SKIC8: variants seen among roughly 807,000 people sequenced by gnomAD.
SKIC8 encodes the protein SKI8 subunit of superkiller complex.
the SKIC8 span, chr15:78,293,158 G>A: frequency 6.2e-7 from 1 of 1,611,858 alleles, no homozygotes; most frequent in Non-Finnish European, 8.5e-7. Context: ...TTAGGGGAGA[G>A]GCACTCACCA....
At chr15:78,285,433 C>T in the SKIC8 span, 1 of 1,084,916 alleles carries the variant, frequency 9.2e-7, no homozygotes, top group South Asian at 1.3e-5. Context: ...ACTTCAGACC[C>T]CCCAACCCCA....
chr15:78,288,428 C>T, the SKIC8 span: 1 of 1,574,282 alleles, frequency 6.4e-7, no homozygotes, highest in African/African-American at 1.4e-5. Context: ...CCACTGCCTC[C>T]TCACTCAGCT....
At chr15:78,289,986 C>G in the SKIC8 span, 1 of 1,614,088 alleles carries the variant, frequency 6.2e-7, no homozygotes, top group Middle Eastern at 1.6e-4. Context: ...CCTCTCGTGT[C>G]CAAAGAATAT....
At chr15:78,295,401 C>CTTTTTT in the SKIC8 span, 21 of 395,148 alleles carry the variant, frequency 5.3e-5, no homozygotes, top group Non-Finnish European at 7.7e-5. Context: ...CTATTCTGAT[C>CTTTTTT]TTTTTTTTTT....
At chr15:78,284,879 G>T in the SKIC8 span, 6 of 192,228 alleles carry the variant, frequency 3.1e-5, no homozygotes, top group African/African-American at 4.6e-5. Flanking sequence ...AGCGATGATT[G>T]TGTTTAAGCA....
the SKIC8 span, chr15:78,285,183 A>G: frequency 7.1e-7 from 1 of 1,415,084 alleles, no homozygotes; most frequent in South Asian, 1.2e-5. Flanking sequence ...TCAAGCAACA[A>G]GGTCAGGAAA....
chr15:78,298,202 A>AT, the SKIC8 span, among the ~76,000 whole-genome samples: 1 of 152,210 alleles, frequency 6.6e-6, no homozygotes, highest in Admixed American at 6.5e-5. Flanking sequence ...CTTCCCTGTC[A>AT]TTCTGGGCCT....
At chr15:78,292,783 T>C in the SKIC8 span, 1 of 1,613,588 alleles carries the variant, frequency 6.2e-7, no homozygotes, top group Non-Finnish European at 8.5e-7. Flanking sequence ...CAGCCTCTCA[T>C]CACGCCTTCA....
chr15:78,299,250 C>A, the SKIC8 span, among the ~76,000 whole-genome samples: 1 of 152,186 alleles, frequency 6.6e-6, no homozygotes, highest in African/African-American at 2.4e-5. Flanking sequence ...TTAATACAGC[C>A]CTCCCAGCTA....
At chr15:78,293,284 A>G in the SKIC8 span, 1 of 1,612,716 alleles carries the variant, frequency 6.2e-7, no homozygotes, top group South Asian at 1.1e-5. Flanking sequence ...TAGAATGGAA[A>G]GTGCTTCATT....
the SKIC8 span, chr15:78,285,182 A>G: frequency 1.1e-4 from 149 of 1,410,334 alleles, 2 homozygotes; most frequent in South Asian, 4.3e-4. Context: ...CTCAAGCAAC[A>G]AGGTCAGGAA....
At chr15:78,295,134 A>G in the SKIC8 span, 2 of 768,894 alleles carry the variant, frequency 2.6e-6, no homozygotes, top group Admixed American at 2.6e-5. Flanking sequence ...ATTCCCATTC[A>G]TGCAAGATTT....
the SKIC8 span, chr15:78,292,493 T>C: frequency 9.3e-7 from 1 of 1,078,694 alleles, no homozygotes. Flanking sequence ...ATACAGTTCA[T>C]GCACACATTA....
chr15:78,286,038 T>C, the SKIC8 span: 1 of 1,611,552 alleles, frequency 6.2e-7, no homozygotes, highest in Non-Finnish European at 8.5e-7. Context: ...AATCATTAAG[T>C]ACCTGGAAAC....
At chr15:78,293,400 A>G in the SKIC8 span, 3 of 871,634 alleles carry the variant, frequency 3.4e-6, no homozygotes, top group Admixed American at 2.7e-5. Flanking sequence ...GTGCTTTCCT[A>G]TACAGCTTTT....
the SKIC8 span, chr15:78,288,393 T>C: frequency 6.2e-7 from 1 of 1,613,184 alleles, no homozygotes; most frequent in Non-Finnish European, 8.5e-7. Flanking sequence ...CTGAAATTCA[T>C]AAAGGCCCTT....
At chr15:78,288,865 C>T in the SKIC8 span, 1 of 432,708 alleles carries the variant, frequency 2.3e-6, no homozygotes, top group Middle Eastern at 3.4e-4. Flanking sequence ...GCTACCCAGT[C>T]CTCCTTTCCA....
the SKIC8 span, chr15:78,285,062 T>A: frequency 1.7e-6 from 1 of 572,170 alleles, no homozygotes; most frequent in Non-Finnish European, 3.1e-6. Flanking sequence ...GTTGCTAGGC[T>A]GACAGCACAT....
At chr15:78,285,607 T>G in the SKIC8 span, 1 of 541,566 alleles carries the variant, frequency 1.8e-6, no homozygotes, top group Non-Finnish European at 3.3e-6. Flanking sequence ...GGAGGCCTGT[T>G]AAAGCTTCAA....
Sources: allele counts gnomAD v4.1 joint callset (sites outside exome capture counted in the v4.1 genomes callset), GRCh38; gene constraint gnomAD v4.1.1; transcripts MANE v1.5; gene names NCBI Gene and HGNC (gene_info 2026-07-23, HGNC 2026-07-21).